Variants in KIF3B observed in about 807,000 individuals in gnomAD.
KIF3B encodes kinesin-like protein KIF3B.
A neutral mutation model predicts 74.3 loss-of-function variants in KIF3B; 38 were observed. That is an observed-to-expected ratio of 0.51 (90% confidence interval 0.39 to 0.67). The LOEUF is 0.67. KIF3B is among the 30% of genes least tolerant of loss of function. The pLI, the probability that KIF3B is intolerant of heterozygous loss-of-function variation, is 0.00. For synonymous variants in KIF3B, 326 were observed against 342.5 expected, an observed-to-expected ratio of 0.95 and a Z score of 0.53; for missense variants, 649 against 932.0, an observed-to-expected ratio of 0.70 and a Z score of 3.95.
intron 4 of KIF3B, 41 bp downstream of exon 4, chr20:32,316,690 T>C: frequency 6.2e-7 from 1 of 1,613,926 alleles, no homozygotes; most frequent in South Asian, 1.1e-5. Flanking sequence ...CCTTGAGACT[T>C]GGGGAAAGGG....
At chr20:32,302,497 C>A (rs2047748881) in intron 1 of KIF3B, among the ~76,000 whole-genome samples, 1 of 143,830 alleles carries the variant, frequency 7.0e-6, no homozygotes, top group African/African-American at 2.4e-5. Flanking sequence ...ACCTCAAGGT[C>A]AGCTTGCTGC....
chr20:32,310,381 T>A lies in KIF3B; in HGVS notation c.604T>A (p.Ser202Thr). ...HVMNVGNQNR[S>T]VGATNMNEHS... The stretch of plus-strand genomic sequence containing the variant: ...GATGAATGTGGGGAACCAGAACCGT[T>A]CTGTCGGTGCTACCAACATGAACGA... Residue 202 changes from serine to threonine, a missense_variant, in exon 2 of 9, where the codon TCT becomes ACT. Physicochemically the swap from Ser to Thr is moderately conservative, Grantham distance 58 (BLOSUM62 1). This residue lies in a region of KIF3B where 363 missense variants were observed against 592.8 expected (regional missense o/e 0.61). Transcript: ENST00000375712. This position sits in a 1 kb window ranked among gnomAD's most constrained non-coding sequence, Gnocchi z 6.5. 1.2e-6 allele frequency: 2 copies of A among 1,614,214 alleles called. No individual in the cohort carries two copies. Among genetic ancestry groups the A allele is most frequent in the South Asian group, 2.2e-5 (2 of 91,084 alleles).
At chr20:32,318,791 T>C (rs1471942130) in intron 5 of KIF3B, among the ~76,000 whole-genome samples, 2 of 152,206 alleles carry the variant, frequency 1.3e-5, no homozygotes, top group African/African-American at 4.8e-5. Context: ...TAAGCATTCA[T>C]GTATAAGGTT....
chr20:32,322,646 ATATT>A (rs2047867282), intron 5 of KIF3B, among the ~76,000 whole-genome samples: 1 of 85,490 alleles, frequency 1.2e-5, no homozygotes, highest in African/African-American at 6.1e-5. Flanking sequence ...ATTTATATAT[ATATT>A]TTTATATATT....
intron 1 of KIF3B, among the ~76,000 whole-genome samples, chr20:32,295,282 C>T (rs749794124): frequency 5.6e-4 from 85 of 151,600 alleles, no homozygotes; most frequent in Non-Finnish European, 8.5e-4. Flanking sequence ...AAAAAGGTGA[C>T]GCCCCCCGCC....
chr20:32,281,592 C>T (rs2047643155), intron 1 of KIF3B, among the ~76,000 whole-genome samples: 1 of 152,166 alleles, frequency 6.6e-6, no homozygotes, highest in Admixed American at 6.5e-5. Flanking sequence ...TGGCACGTGC[C>T]TGTAGTCCCA....
intron 1 of KIF3B, among the ~76,000 whole-genome samples, chr20:32,286,170 T>C (rs2047666839): frequency 6.6e-6 from 1 of 152,180 alleles, no homozygotes; most frequent in Non-Finnish European, 1.5e-5. Context: ...GAAATTGCCA[T>C]AGATTATTGG....
intron 1 of KIF3B, among the ~76,000 whole-genome samples, chr20:32,284,004 C>G (rs1200658942): frequency 7.9e-5 from 12 of 151,858 alleles, no homozygotes; most frequent in Admixed American, 7.9e-4. Flanking sequence ...TAACCTCCAA[C>G]TCCTGGGCTC....
intron 1 of KIF3B, among the ~76,000 whole-genome samples, chr20:32,307,671 T>C (rs988435908): frequency 6.6e-6 from 1 of 152,034 alleles, no homozygotes; most frequent in Non-Finnish European, 1.5e-5. Flanking sequence ...TTTTCATTTG[T>C]TTAAGAAAAG....
chr20:32,327,887 TC>T (rs1323972395), intron 7 of KIF3B, among the ~76,000 whole-genome samples: 1 of 152,092 alleles, frequency 6.6e-6, no homozygotes, highest in Non-Finnish European at 1.5e-5. Context: ...ATTGGTTGAT[TC>T]CCAGGAGTTT....
At chr20:32,305,420 A>G (rs1394970886) in intron 1 of KIF3B, among the ~76,000 whole-genome samples, 1 of 151,908 alleles carries the variant, frequency 6.6e-6, no homozygotes, top group Non-Finnish European at 1.5e-5. Flanking sequence ...GGGTCCTCAT[A>G]TATACCGGTA....
chr20:32,298,679 T>TCTTCC (rs1279285620), intron 1 of KIF3B, among the ~76,000 whole-genome samples: 2 of 142,156 alleles, frequency 1.4e-5, no homozygotes, highest in Non-Finnish European at 1.6e-5. Context: ...CCCTCCCCTC[T>TCTTCC]CTTCCCCTTC....
At chr20:32,323,135 T>C (rs1335035547) in intron 5 of KIF3B, among the ~76,000 whole-genome samples, 1 of 92,964 alleles carries the variant, frequency 1.1e-5, no homozygotes, top group Non-Finnish European at 2.1e-5. Flanking sequence ...TTTATATATT[T>C]ACATATATTT....
chr20:32,306,699 AT>A (rs1186456482), intron 1 of KIF3B, among the ~76,000 whole-genome samples: 3 of 144,604 alleles, frequency 2.1e-5, no homozygotes, highest in African/African-American at 7.7e-5. Flanking sequence ...GGTTCAAGCA[AT>A]TCTCCTGTCT....
intron 1 of KIF3B, among the ~76,000 whole-genome samples, chr20:32,289,290 G>A (rs2047680699): frequency 6.6e-6 from 1 of 151,442 alleles, no homozygotes; most frequent in Non-Finnish European, 1.5e-5. Context: ...TGCCTCCTGG[G>A]TTCAAGCAGT....
At chr20:32,320,935 C>T (rs989651655) in intron 5 of KIF3B, among the ~76,000 whole-genome samples, 5 of 151,834 alleles carry the variant, frequency 3.3e-5, no homozygotes, top group Non-Finnish European at 5.9e-5. Flanking sequence ...CTTTTGTGGA[C>T]GCATGTTTCA....
rs2047934881 is a variant in KIF3B, at chr20:32,332,429, A to G, written c.*1110A>G. The stretch of plus-strand genomic sequence containing the variant: ...AAGCAAAGGAATCCTGCCTGCCTTC[A>G]GCAGAGAATTCACCGAATCCTAGAA... On this transcript the variant is annotated 3_prime_UTR_variant, in exon 9 of 9. Coordinates refer to ENST00000375712, the MANE Select transcript of KIF3B (RefSeq NM_004798.4). 6.6e-6 allele frequency: 1 copy of G among 152,326 alleles called. No individual in the cohort carries two copies. The highest frequency in any genetic ancestry group is 1.5e-5 in the Non-Finnish European group (1 of 68,094). The allele number at this position is 152,326 out of a possible 1,614,324, so 9.4% of individuals were successfully genotyped here.
chr20:32,316,150 C>G (rs1338185638), intron 2 of KIF3B, 68 bp from the exon 3 acceptor site: 5 of 922,754 alleles, frequency 5.4e-6, no homozygotes, highest in African/African-American at 1.6e-5. Context: ...TTCACAGGCT[C>G]CCCTGTGAGG....
At chr20:32,294,975 A>G (rs750525030) in intron 1 of KIF3B, among the ~76,000 whole-genome samples, 6 of 152,150 alleles carry the variant, frequency 3.9e-5, no homozygotes, top group Non-Finnish European at 5.9e-5. Context: ...ATGTGCCATA[A>G]TCTAACCACT....
Sources: allele counts gnomAD v4.1 joint callset (sites outside exome capture counted in the v4.1 genomes callset), GRCh38; gene constraint gnomAD v4.1.1; regional missense constraint gnomAD v4.1.1; non-coding constraint Gnocchi (gnomAD v3.1); transcripts MANE v1.5; gene names NCBI Gene and HGNC (gene_info 2026-07-23, HGNC 2026-07-21).